Variants in MTX2 observed in about 807,000 individuals in gnomAD.
MTX2 encodes the protein metaxin-2.
In MTX2, 35 loss-of-function variants were observed where a neutral mutation model predicts 42.3. The ratio of observed to expected loss-of-function variants is 0.83; its 90% CI spans 0.63 to 1.10. The LOEUF (loss-of-function observed/expected upper bound fraction) is 1.10, where lower values mean the gene tolerates loss of function less well. MTX2 is among the 50% of genes least tolerant of loss of function. The pLI is 0.00. For synonymous variants in MTX2, 119 were observed against 100.9 expected (o/e 1.18, Z -1.08); for missense variants, 307 against 304.1 (o/e 1.01, Z -0.07).
chr2:176,300,537 T>C (rs1683998169), intron 3 of MTX2, among the ~76,000 whole-genome samples: 1 of 152,098 alleles, frequency 6.6e-6, no homozygotes, highest in South Asian at 2.1e-4. Flanking sequence ...CCCACTAGTC[T>C]CGTGTAGCTA....
chr2:176,291,618 T>G (rs901721225), intron 1 of MTX2, among the ~76,000 whole-genome samples: 2 of 152,038 alleles, frequency 1.3e-5, no homozygotes, highest in African/African-American at 2.4e-5. Flanking sequence ...GCTACATAAT[T>G]TTTAAGGCCC....
intron 1 of MTX2, among the ~76,000 whole-genome samples, chr2:176,295,523 A>C (rs1476189311): frequency 6.6e-6 from 1 of 152,124 alleles, no homozygotes; most frequent in Admixed American, 6.6e-5. Flanking sequence ...TCCCTTACGT[A>C]TATGTGTAGT....
intron 3 of MTX2, among the ~76,000 whole-genome samples, chr2:176,308,257 T>A (rs189246559): frequency 6.6e-6 from 1 of 152,304 alleles, no homozygotes; most frequent in African/African-American, 2.4e-5. Flanking sequence ...GCCGACTTGA[T>A]CATGATGGAT....
At chr2:176,280,463 C>T (rs975476384) in intron 1 of MTX2, among the ~76,000 whole-genome samples, 7 of 152,202 alleles carry the variant, frequency 4.6e-5, no homozygotes, top group Non-Finnish European at 1.0e-4. Flanking sequence ...CCTAAATTTA[C>T]AGGTGTAAAA....
chr2:176,285,698 A>T (rs1693183489), intron 1 of MTX2, among the ~76,000 whole-genome samples: 1 of 151,552 alleles, frequency 6.6e-6, no homozygotes, highest in African/African-American at 2.4e-5. Context: ...ATGTTGTAGC[A>T]TGTATCAGTA....
intron 9 of MTX2, among the ~76,000 whole-genome samples, chr2:176,336,407 CTTG>C (rs1347529464): frequency 7.2e-5 from 11 of 152,120 alleles, no homozygotes; most frequent in East Asian, 1.9e-4. Context: ...AAAGTTGTGT[CTTG>C]TTGTTGATTT....
intron 3 of MTX2, among the ~76,000 whole-genome samples, chr2:176,302,447 G>GT (rs1338973972): frequency 9.2e-5 from 14 of 151,820 alleles, no homozygotes; most frequent in Middle Eastern, 6.8e-3. Context: ...GTTTTGTTTT[G>GT]TTTTTTTGAG....
intron 3 of MTX2, among the ~76,000 whole-genome samples, chr2:176,319,090 GA>G (rs1651992086): frequency 6.6e-6 from 1 of 152,118 alleles, no homozygotes. Flanking sequence ...AATTAGTTTG[GA>G]ATAAAGTATT....
At chr2:176,324,813 C>T (rs1035506723) in intron 4 of MTX2, among the ~76,000 whole-genome samples, 1 of 151,610 alleles carries the variant, frequency 6.6e-6, no homozygotes, top group Non-Finnish European at 1.5e-5. Context: ...ATAGGAGTCT[C>T]CTATAGGTAG....
Position 176,337,550 on chromosome 2 carries a change from A to G in MTX2, c.678A>G (p.Gln226=), listed in dbSNP as rs980962882. The G allele has an allele frequency of 3.7e-6, 6 of 1,613,278 alleles. No homozygotes were observed. The highest frequency in any genetic ancestry group is 5.1e-6 in the Non-Finnish European group (6 of 1,179,520). ...ATCTATACACCATTCTTACCACACA[A>G]TTGACAAATGATGAACTTTCTGAGA... ...FGHLYTILTT[Q]LTNDELSEKV... Residue 226 remains glutamine (Q), a synonymous_variant, in exon 10 of 10, where the codon CAA becomes CAG. Transcript: ENST00000249442.
At chr2:176,312,881 A>AG (rs1489234453) in intron 3 of MTX2, among the ~76,000 whole-genome samples, 14 of 151,340 alleles carry the variant, frequency 9.3e-5, no homozygotes, top group Admixed American at 4.6e-4. Flanking sequence ...AAAAAAAAAA[A>AG]AAAGAAAGAA....
At chr2:176,287,928 G>A (rs1256580677) in intron 1 of MTX2, among the ~76,000 whole-genome samples, 1 of 150,290 alleles carries the variant, frequency 6.7e-6, no homozygotes, top group Non-Finnish European at 1.5e-5. Context: ...TTATGGAAAT[G>A]GCAATATGAC....
At chr2:176,322,373 TCTTA>T (rs1171331869) in intron 3 of MTX2, among the ~76,000 whole-genome samples, 4 of 152,142 alleles carry the variant, frequency 2.6e-5, no homozygotes, top group Non-Finnish European at 4.4e-5. Context: ...ATTTATCTTA[TCTTA>T]CTTTTGACAG....
chr2:176,324,314 TAGA>T (rs1684659150), intron 4 of MTX2, among the ~76,000 whole-genome samples: 1 of 151,546 alleles, frequency 6.6e-6, no homozygotes, highest in Non-Finnish European at 1.5e-5. Context: ...TTAAGGGTGG[TAGA>T]AATTGTTAAA....
intron 1 of MTX2, among the ~76,000 whole-genome samples, chr2:176,282,304 A>G (rs548907482): frequency 4.6e-5 from 7 of 152,020 alleles, no homozygotes; most frequent in South Asian, 2.1e-4. Flanking sequence ...ATGAGCTTAT[A>G]TTCTTTTGCA....
rs368446774 is a variant in MTX2, at chr2:176,270,335, C to G, written c.40+666C>G. The G allele has an allele frequency of 3.2e-4, 434 of 1,351,412 alleles. 3 individuals carry two copies. The African/African-American group carries it at 5.6e-3, about 17-fold the overall frequency. 83.7% of individuals were successfully genotyped at this position (1,351,412 alleles called of 1,614,324 possible). On this transcript the variant is annotated intron_variant, in intron 1 of 9. Transcript: ENST00000249442. ...ACAGGCGCCCGCCACCACGCCCGCG[C>G]GGATTCATGGAAAATTTTTAAATCT...
intron 3 of MTX2, among the ~76,000 whole-genome samples, chr2:176,306,145 ATGAG>A (rs1289062403): frequency 2.0e-5 from 3 of 151,232 alleles, no homozygotes; most frequent in Non-Finnish European, 2.9e-5. Context: ...ATTCCCATCT[ATGAG>A]TGAGAACATG....
chr2:176,322,947 G>A (rs1376309122), intron 3 of MTX2, among the ~76,000 whole-genome samples: 2 of 151,790 alleles, frequency 1.3e-5, no homozygotes, highest in Non-Finnish European at 2.9e-5. Flanking sequence ...AGAACTTTGA[G>A]GTAGCAGAGA....
chr2:176,310,905 T>C (rs1244456797), intron 3 of MTX2, among the ~76,000 whole-genome samples: 1 of 152,226 alleles, frequency 6.6e-6, no homozygotes, highest in Non-Finnish European at 1.5e-5. Context: ...TTCTGTCAAC[T>C]TGTGAAAGTC....
Sources: gnomAD v4.1 joint callset for allele counts (sites outside exome capture counted in the v4.1 genomes callset) on GRCh38, gnomAD v4.1.1 for gene constraint, MANE v1.5 for transcripts, NCBI Gene and HGNC (gene_info 2026-07-23, HGNC 2026-07-21) for gene names.